The following ARNT2 variants were observed in gnomAD, a reference collection of about 807,000 sequenced individuals.
ARNT2 encodes aryl hydrocarbon receptor nuclear translocator 2, also known as ARNT protein 2.
A neutral mutation model predicts 91.7 loss-of-function variants in ARNT2; 36 were observed. The ratio of observed to expected loss-of-function variants is 0.39; its 90% CI spans 0.30 to 0.52. ARNT2 has a LOEUF of 0.52. ARNT2 is among the 20% of genes least tolerant of loss of function. The pLI is 0.72. For synonymous variants in ARNT2, 365 were observed against 347.1 expected, an observed-to-expected ratio of 1.05 and a Z score of -0.57; for missense variants, 775 against 939.3, an observed-to-expected ratio of 0.83 and a Z score of 2.29.
In ARNT2 at chr15:80,514,331, G is replaced by A; in HGVS notation, c.803G>A (p.Gly268Asp). ...ATGTTCTTTTTTAGGAATGGCCTTGGCCCTGTGAAAGAAGGAGAAGCCCAA... is the reference window on the plus strand; with the variant it reads ...ATGTTCTTTTTTAGGAATGGCCTTGACCCTGTGAAAGAAGGAGAAGCCCAA... ...TMRKRFRNGL[G>D]PVKEGEAQYA... The change falls in exon 8 of 19, where the codon GGC becomes GAC. Residue 268 changes from glycine (G) to aspartate (D), a missense_variant. Physicochemically the swap from Gly to Asp is moderately conservative, Grantham distance 94. This residue lies in a region of ARNT2 where 285 missense variants were observed against 327.2 expected (regional missense o/e 0.87). Transcript: ENST00000303329. 6.2e-7 allele frequency: 1 copy of A among 1,614,126 alleles called. No homozygotes were observed. Among genetic ancestry groups the A allele is most frequent in the South Asian group, 1.1e-5 (1 of 91,074 alleles).
intron 8 of ARNT2, among the ~76,000 whole-genome samples, chr15:80,541,507 T>C (rs1246811238): frequency 1.3e-5 from 2 of 152,220 alleles, no homozygotes; most frequent in Non-Finnish European, 2.9e-5. Flanking sequence ...GTCCTACTTG[T>C]CAATTTTTTT....
At chr15:80,484,053 A>G (rs934767033) in intron 5 of ARNT2, among the ~76,000 whole-genome samples, 1 of 152,176 alleles carries the variant, frequency 6.6e-6, no homozygotes, top group Non-Finnish European at 1.5e-5. Flanking sequence ...TAAAAACTGT[A>G]CTTTCAAATA....
intron 1 of ARNT2, among the ~76,000 whole-genome samples, chr15:80,431,114 C>G (rs1163894328): frequency 6.6e-6 from 1 of 152,176 alleles, no homozygotes; most frequent in Non-Finnish European, 1.5e-5. Flanking sequence ...CTGAAGCCAC[C>G]TGCCACCACC....
At position 80,433,474 on chromosome 15, in the gene ARNT2, C is replaced by T. The variant is rs971901157; in HGVS notation, c.32-17406C>T. Among the ~76,000 whole-genome samples, 10 of 151,732 alleles carry T rather than the reference C, an allele frequency of 6.6e-5. No homozygotes were observed. The South Asian group carries it at 1.5e-3, about 22-fold the overall frequency. ...CTAATTTTTGTATTTTTAGTAGAGA[C>T]GAGGTTTCACCATGTTGTCCAGACT... is the stretch of plus-strand genomic sequence containing the variant. On this transcript the variant is annotated intron_variant, in intron 1 of 18. Coordinates refer to ENST00000303329, the MANE Select transcript of ARNT2 (RefSeq NM_014862.4).
At chr15:80,555,444 A>G (rs543376507) in intron 11 of ARNT2, 1 of 343,400 alleles carries the variant, frequency 2.9e-6, no homozygotes, top group East Asian at 4.7e-5. Flanking sequence ...GGAGAGAATA[A>G]CTGGGATGGG....
chr15:80,485,983 G>T, intron 5 of ARNT2, among the ~76,000 whole-genome samples: 1 of 152,158 alleles, frequency 6.6e-6, no homozygotes, highest in Admixed American at 6.5e-5. Context: ...CGTTCTGGAG[G>T]TCAGAAGTCC....
chr15:80,456,592 G>C (rs1014324102), intron 2 of ARNT2, among the ~76,000 whole-genome samples: 9 of 152,132 alleles, frequency 5.9e-5, no homozygotes, highest in Admixed American at 1.3e-4. Context: ...CCCTCAGTTT[G>C]CACCTAAACC....
rs554666332 is a variant in ARNT2, at chr15:80,429,706, G to A, written c.32-21174G>A. On this transcript the variant is annotated intron_variant, in intron 1 of 18. Transcript: ENST00000303329. ...AAGTGGGGCAGTCGTGTGGGATTGA[G>A]CCTGTAACTGTGGGGATCCATGCCA... 2.9e-3 allele frequency among the ~76,000 whole-genome samples: 435 copies of A among 152,294 alleles called. 5 individuals carry two copies. Among genetic ancestry groups the A allele is most frequent in the African/African-American group, 0.01 (418 of 41,546 alleles).
intron 1 of ARNT2, among the ~76,000 whole-genome samples, chr15:80,433,257 A>ATTTTATTTTATTTTATTTTATTTTAT: frequency 1.6e-5 from 2 of 126,232 alleles, no homozygotes; most frequent in Non-Finnish European, 3.3e-5. Flanking sequence ...ATTTTATTTT[A>ATTTTATTTTATTTTATTTTATTTTAT]TTTTATTTTA....
intron 11 of ARNT2, chr15:80,555,744 C>CA (rs1422674902): frequency 1.3e-5 from 2 of 152,308 alleles, no homozygotes; most frequent in African/African-American, 4.8e-5. Context: ...CCAAGGTGGG[C>CA]AGTTCACTTG....
At chr15:80,492,603 C>T (rs1195068683) in intron 5 of ARNT2, among the ~76,000 whole-genome samples, 2 of 152,148 alleles carry the variant, frequency 1.3e-5, no homozygotes, top group Non-Finnish European at 2.9e-5. Flanking sequence ...TTCTCAAATT[C>T]CTGTGATGGA....
chr15:80,423,444 A>G (rs1053388698), intron 1 of ARNT2, among the ~76,000 whole-genome samples: 3 of 152,226 alleles, frequency 2.0e-5, no homozygotes, highest in Non-Finnish European at 4.4e-5. Context: ...TCACATAATC[A>G]GTTATGTCTA....
chr15:80,432,065 T>G (rs561989876), intron 1 of ARNT2, among the ~76,000 whole-genome samples: 17 of 152,354 alleles, frequency 1.1e-4, no homozygotes, highest in African/African-American at 4.1e-4. Context: ...GAATTGATGC[T>G]GCTGTCTCCT....
rs116913216 is a variant in ARNT2 at position 80,422,910 on chromosome 15, G to A, written c.31+18364G>A. Among the ~76,000 whole-genome samples the A allele has an allele frequency of 3.7e-4, 57 of 152,210 alleles. No individual in the cohort carries two copies. In the East Asian group the frequency reaches 7.9e-3, roughly 21 times the overall value. On this transcript the variant is annotated intron_variant, in intron 1 of 18. Coordinates refer to ENST00000303329, the MANE Select transcript of ARNT2 (RefSeq NM_014862.4). The stretch of plus-strand genomic sequence containing the variant: ...GTTAACCATGATTATCACTTTTTGC[G>A]TAAGTGTGTTTCTTAGCCTTTTTGG...
chr15:80,588,151 C>T (rs1045131043), intron 17 of ARNT2, among the ~76,000 whole-genome samples: 14 of 152,002 alleles, frequency 9.2e-5, no homozygotes, highest in Admixed American at 7.2e-4. Flanking sequence ...GGAACTCAGC[C>T]GACCCCAGCC....
chr15:80,563,917 C>T (rs1397681102), intron 12 of ARNT2, among the ~76,000 whole-genome samples: 1 of 152,188 alleles, frequency 6.6e-6, no homozygotes, highest in African/African-American at 2.4e-5. Flanking sequence ...AGTCAAGCTA[C>T]AGGCCAGACA....
chr15:80,432,421 A>T (rs1414097936), intron 1 of ARNT2, among the ~76,000 whole-genome samples: 1 of 152,218 alleles, frequency 6.6e-6, no homozygotes, highest in Non-Finnish European at 1.5e-5. Flanking sequence ...ATTGATGGAA[A>T]AAAAACACCA....
chr15:80,580,911 C>T (rs1253206105), intron 16 of ARNT2, among the ~76,000 whole-genome samples: 1 of 152,122 alleles, frequency 6.6e-6, no homozygotes, highest in Non-Finnish European at 1.5e-5. Context: ...CCCAGACCCT[C>T]ATAGTCACTG....
At chr15:80,534,878 C>CT (rs910032434) in intron 8 of ARNT2, among the ~76,000 whole-genome samples, 1 of 152,096 alleles carries the variant, frequency 6.6e-6, no homozygotes, top group Non-Finnish European at 1.5e-5. Flanking sequence ...ATAGGTATAC[C>CT]TTTTTTCCCA....
Sources: gnomAD v4.1 joint callset for allele counts (sites outside exome capture counted in the v4.1 genomes callset) on GRCh38, gnomAD v4.1.1 for gene constraint, gnomAD v4.1.1 regional missense constraint, MANE v1.5 for transcripts, NCBI Gene and HGNC (gene_info 2026-07-23, HGNC 2026-07-21) for gene names.